ANKH: variants seen among roughly 807,000 people sequenced by gnomAD.
The protein encoded by ANKH is mineralization regulator ANKH.
ANKH carries 15 observed loss-of-function variants against 49.0 expected under a neutral mutation model. The ratio of observed to expected loss-of-function variants is 0.31; its 90% CI spans 0.20 to 0.47. The LOEUF (loss-of-function observed/expected upper bound fraction) is 0.47. Ranked by LOEUF, ANKH falls within the 20% of genes least tolerant of loss-of-function variation. The pLI is 1.00. For missense variants in ANKH, 429 were observed against 652.0 expected (o/e 0.66, Z 3.72); for synonymous variants, 273 against 260.0 (o/e 1.05, Z -0.48).
At chr5:14,836,356 T>C (rs1741652510) in intron 1 of ANKH, among the ~76,000 whole-genome samples, 1 of 152,360 alleles carries the variant, frequency 6.6e-6, no homozygotes. Flanking sequence ...CATGATTGTA[T>C]ATTTAGAAAA....
rs538996405 is a variant in ANKH at position 14,715,234 on chromosome 5, C to T, written c.1141+1472G>A. Among the ~76,000 whole-genome samples the T allele has an allele frequency of 3.0e-4, 45 of 152,302 alleles. 1 individual carries two copies. Among genetic ancestry groups the T allele is most frequent in the Middle Eastern group, 3.4e-3 (1 of 294 alleles). On this transcript the variant is annotated intron_variant, in intron 9 of 11. Coordinates refer to ENST00000284268, the MANE Select transcript of ANKH (RefSeq NM_054027.6). Reference sequence around the variant, plus strand: ...GCAATCTCTGCCTCCTGGGTTCAAGCGATTCTCCTGCCTTAGCCTCCTGAG... The same window carrying T: ...GCAATCTCTGCCTCCTGGGTTCAAGTGATTCTCCTGCCTTAGCCTCCTGAG...
chr5:14,783,022 C>T lies in ANKH; in HGVS notation c.97-13831G>A, dbSNP rs184055222. Among the ~76,000 whole-genome samples, 12 of 152,270 alleles carry T rather than the reference C, an allele frequency of 7.9e-5. No homozygotes were observed. In the East Asian group the frequency reaches 2.3e-3, roughly 29 times the overall value. ...ACTTCTCAGCTGTGGGGTTCATTTA[C>T]TTCTGCATGAGGGATCCGTTAGAAC... On this transcript the variant is annotated intron_variant, in intron 1 of 11. Transcript: ENST00000284268.
At chr5:14,849,259 C>T (rs1211071300) in intron 1 of ANKH, among the ~76,000 whole-genome samples, 1 of 152,192 alleles carries the variant, frequency 6.6e-6, no homozygotes, top group Non-Finnish European at 1.5e-5. Flanking sequence ...TCCATCTTCT[C>T]ATCTATTTGG....
At chr5:14,759,361 A>C (rs1468530289) in intron 2 of ANKH, among the ~76,000 whole-genome samples, 2 of 152,346 alleles carry the variant, frequency 1.3e-5, no homozygotes, top group East Asian at 1.9e-4. Context: ...AGGTCTCCTA[A>C]TGTATTAGTC....
chr5:14,816,737 C>G (rs1346260819), intron 1 of ANKH, among the ~76,000 whole-genome samples: 1 of 152,088 alleles, frequency 6.6e-6, no homozygotes, highest in Non-Finnish European at 1.5e-5. Flanking sequence ...GGTCTGGCAC[C>G]AAGAAAAGCT....
chr5:14,711,149 G>T lies in ANKH; in HGVS notation c.*48C>A. On this transcript the variant is annotated 3_prime_UTR_variant, in exon 12 of 12. Transcript: ENST00000284268. ...GGGAGAGGGAAGAGATGATGCCGAA[G>T]TGTCATCCTGACTGACTGTCCCTGC... 1.4e-6 allele frequency: 2 copies of T among 1,450,122 alleles called. No homozygotes were observed. Among genetic ancestry groups the T allele is most frequent in the Non-Finnish European group, 1.9e-6 (2 of 1,030,512 alleles). The allele number at this position is 1,450,122 out of a possible 1,614,324, so 89.8% of individuals were successfully genotyped here.
chr5:14,805,434 T>C (rs1272124087), intron 1 of ANKH, among the ~76,000 whole-genome samples: 5 of 114,314 alleles, frequency 4.4e-5, no homozygotes, highest in Non-Finnish European at 3.6e-5. Flanking sequence ...TATAAACATA[T>C]ATATGTGTGT....
chr5:14,765,167 T>TAAA (rs1219833761), intron 2 of ANKH, among the ~76,000 whole-genome samples: 1 of 152,158 alleles, frequency 6.6e-6, no homozygotes, highest in East Asian at 1.9e-4. Context: ...AACGCAGTTT[T>TAAA]AAAAAATGGT....
At chr5:14,806,119 C>T (rs994202431) in intron 1 of ANKH, among the ~76,000 whole-genome samples, 2 of 152,186 alleles carry the variant, frequency 1.3e-5, no homozygotes, top group Non-Finnish European at 2.9e-5. Flanking sequence ...TTCTTCCACC[C>T]TTCTGCCACT....
intron 1 of ANKH, among the ~76,000 whole-genome samples, chr5:14,826,841 T>C (rs1741356778): frequency 1.3e-5 from 2 of 152,220 alleles, no homozygotes; most frequent in South Asian, 4.1e-4. Context: ...CTAACATCCA[T>C]GTTCTTTTCT....
chr5:14,757,432 T>TATC (rs1320876753), intron 3 of ANKH, among the ~76,000 whole-genome samples: 1 of 108,506 alleles, frequency 9.2e-6, no homozygotes, highest in East Asian at 2.7e-4. Flanking sequence ...ATATATATAT[T>TATC]TTTTTTTTTT....
chr5:14,760,609 T>G (rs1271596628), intron 2 of ANKH, among the ~76,000 whole-genome samples: 1 of 152,202 alleles, frequency 6.6e-6, no homozygotes, highest in Non-Finnish European at 1.5e-5. Flanking sequence ...AAGGAGACCA[T>G]CCTGACCTTG....
intron 1 of ANKH, among the ~76,000 whole-genome samples, chr5:14,835,233 T>G (rs1741619145): frequency 6.6e-6 from 1 of 152,202 alleles, no homozygotes; most frequent in African/African-American, 2.4e-5. Context: ...ACCACATATA[T>G]TTTTAATTCT....
intron 1 of ANKH, among the ~76,000 whole-genome samples, chr5:14,851,108 A>G (rs1742110985): frequency 6.6e-6 from 1 of 152,090 alleles, no homozygotes; most frequent in African/African-American, 2.4e-5. Context: ...GACCCACACA[A>G]TGCTGCCAGG....
At chr5:14,793,900 G>C (rs183072730) in intron 1 of ANKH, among the ~76,000 whole-genome samples, 1 of 152,206 alleles carries the variant, frequency 6.6e-6, no homozygotes, top group African/African-American at 2.4e-5. Flanking sequence ...TGAATGGGGC[G>C]ACCGCCCACT....
At chr5:14,743,990 CTCATCAGTT>C (rs1189505338) in intron 7 of ANKH, among the ~76,000 whole-genome samples, 2 of 152,220 alleles carry the variant, frequency 1.3e-5, no homozygotes, top group Non-Finnish European at 2.9e-5. Context: ...ACTTGCCCTT[CTCATCAGTT>C]TCATCAGATG....
intron 2 of ANKH, among the ~76,000 whole-genome samples, chr5:14,767,260 C>CAAGAGA (rs1739285913): frequency 6.6e-6 from 1 of 152,114 alleles, no homozygotes; most frequent in South Asian, 2.1e-4. Context: ...ATGGCAAAGG[C>CAAGAGA]AAGAGAGCAG....
intron 1 of ANKH, among the ~76,000 whole-genome samples, chr5:14,793,021 A>AAAATAT (rs1444535355): frequency 5.9e-5 from 4 of 68,358 alleles, no homozygotes; most frequent in African/African-American, 6.1e-5. Context: ...TATATATATA[A>AAAATAT]ATATATATAT....
At chr5:14,803,359 A>C (rs1740618599) in intron 1 of ANKH, among the ~76,000 whole-genome samples, 1 of 152,150 alleles carries the variant, frequency 6.6e-6, no homozygotes, top group Admixed American at 6.5e-5. Flanking sequence ...AGCTCACCAC[A>C]ACCTCCACCT....
Sources: gnomAD v4.1 joint callset for allele counts (sites outside exome capture counted in the v4.1 genomes callset) on GRCh38, gnomAD v4.1.1 for gene constraint, MANE v1.5 for transcripts, NCBI Gene and HGNC (gene_info 2026-07-23, HGNC 2026-07-21) for gene names.